POLQ: variants seen among roughly 807,000 people sequenced by gnomAD.
POLQ encodes DNA polymerase theta.
A neutral mutation model predicts 259.2 loss-of-function variants in POLQ; 233 were observed. The ratio of observed to expected loss-of-function variants is 0.90; its 90% CI spans 0.81 to 1.00. The LOEUF (loss-of-function observed/expected upper bound fraction) is 1.00. POLQ is among the 50% of genes least tolerant of loss of function. POLQ has a pLI of 0.00. For missense variants in POLQ, 2,871 were observed against 3,051.6 expected (o/e 0.94, Z 1.39); for synonymous variants, 1,025 against 1,048.8 (o/e 0.98, Z 0.44).
chr3:121,540,896 AT>A (rs59706476), intron 3 of POLQ, among the ~76,000 whole-genome samples: 18 of 146,476 alleles, frequency 1.2e-4, no homozygotes, highest in Admixed American at 1.4e-4. Context: ...AATTTTTTTA[AT>A]TTTTTTTTTT....
In POLQ at chr3:121,543,653, A is replaced by G. The variant is rs76014418; in HGVS notation, c.343+1074T>C. 5.9e-5 allele frequency among the ~76,000 whole-genome samples: 9 copies of G among 152,216 alleles called. No homozygotes were observed. The East Asian group carries it at 1.3e-3, about 23-fold the overall frequency. On this transcript the variant is annotated intron_variant, in intron 2 of 29. Coordinates refer to ENST00000264233, the MANE Select transcript of POLQ (RefSeq NM_199420.4). ...TAGATTTAAAGTCAGTGTAGTAAGC[A>G]TGCGTTAAAAATTGTGTATGCCATA...
chr3:121,535,660 G>A (rs1373267917), intron 5 of POLQ, among the ~76,000 whole-genome samples: 3 of 144,464 alleles, frequency 2.1e-5, no homozygotes, highest in Non-Finnish European at 4.5e-5. Flanking sequence ...AGGTTGCAGT[G>A]AGCCGAGATC....
At position 121,449,381 on chromosome 3, in the gene POLQ, C is replaced by G; in HGVS notation, c.7198G>C (p.Glu2400Gln). ...TCATTTTCTTTAATGCCCATCTGCTCTCCCAAAGATTTAGCTCCCATTCCA... is the reference window on the plus strand; with the variant it reads ...TCATTTTCTTTAATGCCCATCTGCTGTCCCAAAGATTTAGCTCCCATTCCA... ...IYGMGAKSLG[E>Q]QMGIKENDAA... is the part of the protein sequence containing the mutation. The change falls in exon 26 of 30, where the codon GAG (glutamate) becomes CAG (glutamine). Residue 2400 changes from glutamate (E) to glutamine (Q), a missense_variant. Coordinates refer to ENST00000264233, the MANE Select transcript of POLQ (RefSeq NM_199420.4). The G allele has an allele frequency of 6.2e-7, 1 of 1,607,974 alleles. No homozygotes were observed. The highest frequency in any genetic ancestry group is 1.1e-5 in the South Asian group (1 of 90,960).
At chr3:121,457,083 A>G (rs2047745728) in intron 25 of POLQ, among the ~76,000 whole-genome samples, 1 of 152,170 alleles carries the variant, frequency 6.6e-6, no homozygotes, top group South Asian at 2.1e-4. Context: ...AACGCCGCAT[A>G]TCTACAACTA....
chr3:121,449,438 T>C lies in POLQ; in HGVS notation c.7153-12A>G. 7.3e-7 allele frequency: 1 copy of C among 1,364,768 alleles called. No individual in the cohort carries two copies. Among genetic ancestry groups the C allele is most frequent in the East Asian group, 2.3e-5 (1 of 43,702 alleles). The allele number at this position is 1,364,768 out of a possible 1,614,324, so 84.5% of individuals were successfully genotyped here. A position where few individuals can be genotyped will look rare whatever the true frequency, so the allele number is the denominator to read the frequency against. The stretch of plus-strand genomic sequence containing the variant: ...ATCCCATAGCAAATCTGAAAGGGAG[T>C]CATCCAACAAATAAAGGTTATAAGT... On this transcript the variant is annotated splice_polypyrimidine_tract_variant and intron_variant, in intron 25 of 29. Transcript: ENST00000264233.
At chr3:121,535,979 CAAG>C (rs1386899946) in intron 5 of POLQ, among the ~76,000 whole-genome samples, 1 of 151,964 alleles carries the variant, frequency 6.6e-6, no homozygotes, top group African/African-American at 2.4e-5. Context: ...GGAAAATCTT[CAAG>C]AAGATGACTG....
At chr3:121,476,766 C>T (rs781442549) in intron 19 of POLQ, 33 bp from the exon 20 acceptor site, 5 of 1,476,562 alleles carry the variant, frequency 3.4e-6, no homozygotes. Context: ...AACGTTAATT[C>T]ATTGGCTAAG....
In POLQ at chr3:121,468,422, GT is replaced by G; in HGVS notation, c.6727del (p.Thr2243ProfsTer21). 6.2e-7 allele frequency: 1 copy of G among 1,607,972 alleles called. No homozygotes were observed. The highest frequency in any genetic ancestry group is 1.3e-5 in the African/African-American group (1 of 74,782). ...SQSHTATGRI[T>X]FTEPNIQNVP... ...ATTCTGAATATTTGGTTCTGTAAAG[GT>G]TATTCGTCCTAAAATCAAGCAGAAT... On this transcript the variant is annotated frameshift_variant, in exon 23 of 30. Coordinates refer to ENST00000264233, the MANE Select transcript of POLQ (RefSeq NM_199420.4). LOFTEE classifies it high-confidence loss of function.
intron 24 of POLQ, 120 bp downstream of exon 24, chr3:121,467,399 A>C: frequency 1.1e-6 from 1 of 934,296 alleles, no homozygotes; most frequent in Non-Finnish European, 1.6e-6. Context: ...GCTCCACCGT[A>C]GACAGAAAGA....
chr3:121,471,764 T>A (rs1205489779), intron 22 of POLQ, among the ~76,000 whole-genome samples: 1 of 151,584 alleles, frequency 6.6e-6, no homozygotes, highest in Non-Finnish European at 1.5e-5. Flanking sequence ...TGTCTCAAAA[T>A]AAATAAATAA....
Position 121,488,144 on chromosome 3 carries a change from G to A in POLQ, c.4787C>T (p.Pro1596Leu), listed in dbSNP as rs2048029960. 13 of 1,612,858 alleles carry A rather than the reference G, an allele frequency of 8.1e-6. No homozygotes were observed. Among genetic ancestry groups the A allele is most frequent in the Non-Finnish European group, 9.3e-6 (11 of 1,179,312 alleles). Residue 1596 changes from proline to leucine, a missense_variant, in exon 16 of 30, where the codon CCA (proline) becomes CTA (leucine). By Grantham distance (98) the Pro-to-Leu change is moderately conservative. This residue lies in a region of POLQ where 2,080 missense variants were observed against 2,126.0 expected (regional missense o/e 0.98). Transcript: ENST00000264233. The part of the protein sequence containing the change: ...VSPRALELSD[P>L]VLDEHHQGDQ... ...ACCTTGGTGGTGCTCATCAAGTACT[G>A]GATCACTTAGTTCTAATGCTCTAGG...
intron 25 of POLQ, among the ~76,000 whole-genome samples, chr3:121,453,610 C>T (rs1418234893): frequency 3.9e-5 from 6 of 152,102 alleles, no homozygotes; most frequent in Middle Eastern, 6.8e-3. Flanking sequence ...CCTCAGGAGC[C>T]GATGCGATCA....
chr3:121,535,926 A>G (rs1388937931), intron 5 of POLQ, among the ~76,000 whole-genome samples: 1 of 152,116 alleles, frequency 6.6e-6, no homozygotes, highest in African/African-American at 2.4e-5. Flanking sequence ...GCACATATAT[A>G]GATTAACCAC....
At position 121,510,250 on chromosome 3, in the gene POLQ, G is replaced by C; in HGVS notation, c.1612-7C>G. 1 of 1,598,996 alleles carries C rather than the reference G, an allele frequency of 6.3e-7. No individual in the cohort carries two copies. The highest frequency in any genetic ancestry group is 1.1e-5 in the South Asian group (1 of 90,414). ...CCACTCCACCAACTATTATCTGAAA[G>C]AAGATATTTGGAAATTTCTGTAGCT... On this transcript the variant is annotated splice_region_variant and splice_polypyrimidine_tract_variant and intron_variant, in intron 10 of 29. Transcript: ENST00000264233.
intron 28 of POLQ, among the ~76,000 whole-genome samples, chr3:121,433,989 G>A (rs1281005903): frequency 6.6e-6 from 1 of 152,236 alleles, no homozygotes; most frequent in Non-Finnish European, 1.5e-5. Flanking sequence ...GCTGCAGCAA[G>A]CTGCTTCCAC....
Position 121,473,631 on chromosome 3 carries a change from A to T in POLQ, c.6406-144T>A, listed in dbSNP as rs187127155. 2.0e-5 allele frequency: 15 copies of T among 764,204 alleles called. No homozygotes were observed. The East Asian group carries it at 3.9e-4, about 20-fold the overall frequency. 47.3% of individuals were successfully genotyped at this position (764,204 alleles called of 1,614,324 possible). ...TTTCTGTGGATAATTTGGAATTACC[A>T]TATTTAATAAATGATGGCAATCAAA... is the stretch of plus-strand genomic sequence containing the variant. On this transcript the variant is annotated intron_variant, in intron 20 of 29. Transcript: ENST00000264233.
intron 2 of POLQ, among the ~76,000 whole-genome samples, chr3:121,543,893 G>A (rs964322207): frequency 1.3e-5 from 2 of 151,444 alleles, no homozygotes; most frequent in Non-Finnish European, 2.9e-5. Context: ...TGAGGCAGGT[G>A]AATCACTTGA....
intron 25 of POLQ, among the ~76,000 whole-genome samples, chr3:121,455,141 A>G (rs1319939437): frequency 6.6e-6 from 1 of 151,218 alleles, no homozygotes; most frequent in Non-Finnish European, 1.5e-5. Context: ...TACTGGGTAC[A>G]TAACAAAATG....
chr3:121,436,025 G>A, intron 28 of POLQ, 97 bp downstream of exon 28: 1 of 1,007,164 alleles, frequency 9.9e-7, no homozygotes, highest in African/African-American at 1.6e-5. Context: ...AAACATTTGA[G>A]AACTGTTGAG....
Sources: allele counts gnomAD v4.1 joint callset (sites outside exome capture counted in the v4.1 genomes callset), GRCh38; gene constraint gnomAD v4.1.1; regional missense constraint gnomAD v4.1.1; transcripts MANE v1.5; gene names NCBI Gene and HGNC (gene_info 2026-07-23, HGNC 2026-07-21).